Variants in GPR174 observed in about 807,000 individuals in gnomAD.
GPR174 encodes the protein probable G protein-coupled receptor 174.
GPR174 carries 8 observed loss-of-function variants against 16.5 expected under a neutral mutation model. That is an observed-to-expected ratio of 0.48 (90% CI 0.28 to 0.87). The LOEUF (loss-of-function observed/expected upper bound fraction) is 0.87. Among genes scored for constraint, GPR174 ranks in the 40% least tolerant of loss-of-function variants. GPR174 has a pLI of 0.09. For missense variants in GPR174, 214 were observed against 247.5 expected (o/e 0.86, Z 0.91); for synonymous variants, 111 against 94.8 (o/e 1.17, Z -0.99).
intron 1 of GPR174, 77 bp downstream of exon 1, chrX:79,145,294 C>T (rs942318728): frequency 9.0e-6 from 1 of 110,911 alleles, no homozygotes; most frequent in African/African-American, 3.3e-5. Context: ...GGACTCTTCA[C>T]ACAAGGAACT....
chrX:79,163,243 C>T (rs1367740211), intron 2 of GPR174, among the ~76,000 whole-genome samples: 2 of 111,682 alleles, frequency 1.8e-5, no homozygotes, highest in East Asian at 2.8e-4. Flanking sequence ...TTCTATTTAA[C>T]GTATTAAAAA....
chrX:79,152,345 T>C (rs1926618253), intron 1 of GPR174, among the ~76,000 whole-genome samples: 4 of 111,743 alleles, frequency 3.6e-5, no homozygotes, highest in African/African-American at 6.5e-5. Context: ...GCTTTTTCCT[T>C]AGGATCAAGG....
intron 2 of GPR174, among the ~76,000 whole-genome samples, chrX:79,162,172 G>T (rs1194745604): frequency 9.0e-6 from 1 of 111,460 alleles, no homozygotes. Context: ...GGTTTATTTT[G>T]CTTGTTATTA....
chrX:79,154,154 C>T (rs1921041118), intron 1 of GPR174, among the ~76,000 whole-genome samples: 1 of 110,783 alleles, frequency 9.0e-6, no homozygotes, highest in African/African-American at 3.3e-5. Context: ...CATACATAGG[C>T]TGTTGAAAAG....
At position 79,149,154 on chromosome X, in the gene GPR174, A is replaced by C. The variant is rs185752651; in HGVS notation, c.-654+3937A>C. On this transcript the variant is annotated intron_variant, in intron 1 of 2. Coordinates refer to ENST00000645147, the MANE Select transcript of GPR174 (RefSeq NM_032553.3). The stretch of plus-strand genomic sequence containing the variant: ...ACATTTTATTTTAATCTATAGTTTC[A>C]TGGCCCCTATTAATTTTCATACTGA... Among the ~76,000 whole-genome samples the C allele has an allele frequency of 5.6e-3, 628 of 111,657 alleles. 4 individuals are homozygous for C. The highest frequency in any genetic ancestry group is 9.6e-3 in the Non-Finnish European group (510 of 52,969).
At chrX:79,163,316 G>A (rs2147455563) in intron 2 of GPR174, among the ~76,000 whole-genome samples, 1 of 112,177 alleles carries the variant, frequency 8.9e-6, no homozygotes, top group South Asian at 3.7e-4. Context: ...TTTGCCTTCT[G>A]AAATACTGCT....
chrX:79,159,515 T>C (rs1921183056), intron 2 of GPR174, among the ~76,000 whole-genome samples: 1 of 111,833 alleles, frequency 8.9e-6, no homozygotes, highest in Non-Finnish European at 1.9e-5. Flanking sequence ...TTATAAATAT[T>C]AACTCATTAA....
At chrX:79,156,633 C>T (rs1921105783) in intron 1 of GPR174, among the ~76,000 whole-genome samples, 189 bp from the exon 2 acceptor site, 1 of 111,733 alleles carries the variant, frequency 8.9e-6, no homozygotes, top group Non-Finnish European at 1.9e-5. Flanking sequence ...AAAGAGATGT[C>T]AGATGCTAAA....
intron 2 of GPR174, among the ~76,000 whole-genome samples, chrX:79,167,948 A>G (rs12396362): frequency 0.39 from 43,213 of 110,771 alleles, 6,658 homozygotes; most frequent in Non-Finnish European, 0.49. Flanking sequence ...GCCTCTCTTT[A>G]AAATTTATTT....
chrX:79,151,655 T>C (rs1179492835), intron 1 of GPR174, among the ~76,000 whole-genome samples: 2 of 111,837 alleles, frequency 1.8e-5, no homozygotes, highest in South Asian at 3.7e-4. Flanking sequence ...TGTCCTTTTA[T>C]TGGATTTAGG....
At position 79,174,493 on chromosome X, in the gene GPR174, A is replaced by G. The variant is rs1317114447; in HGVS notation, c.*2484A>G. ...TGGTGACTTTCAATGGAGGGCTAAT[A>G]CATACTGAAGCAGACAGACTGGAGG... On this transcript the variant is annotated 3_prime_UTR_variant, in exon 3 of 3. Coordinates refer to ENST00000645147, the MANE Select transcript of GPR174 (RefSeq NM_032553.3). 2 of 109,222 alleles carry G rather than the reference A, an allele frequency of 1.8e-5. No individual in the cohort carries two copies. The highest frequency in any genetic ancestry group is 5.8e-4 in the East Asian group (2 of 3,467). 9.0% of individuals were successfully genotyped at this position (109,222 alleles called of 1,213,427 possible).
intron 1 of GPR174, among the ~76,000 whole-genome samples, chrX:79,147,187 C>T (rs1161100140): frequency 4.5e-5 from 5 of 110,911 alleles, no homozygotes; most frequent in African/African-American, 1.6e-4. Flanking sequence ...AAATGAGACT[C>T]GTAGAGGTGA....
At chrX:79,161,161 C>A (rs1346388789) in intron 2 of GPR174, among the ~76,000 whole-genome samples, 1 of 111,725 alleles carries the variant, frequency 9.0e-6, no homozygotes, top group Non-Finnish European at 1.9e-5. Context: ...ATTGGCTTTC[C>A]AAACTGTCAG....
At chrX:79,148,757 C>T (rs1370869745) in intron 1 of GPR174, among the ~76,000 whole-genome samples, 1 of 111,799 alleles carries the variant, frequency 8.9e-6, no homozygotes, top group Non-Finnish European at 1.9e-5. Context: ...ATCTCCCAAC[C>T]TTGGCCTCCC....
intron 2 of GPR174, among the ~76,000 whole-genome samples, chrX:79,164,474 G>A (rs759952932): frequency 2.7e-5 from 3 of 111,211 alleles, no homozygotes; most frequent in South Asian, 3.9e-4. Flanking sequence ...GTCACTAACC[G>A]GAAGGATATT....
intron 2 of GPR174, among the ~76,000 whole-genome samples, chrX:79,159,034 A>C (rs1170860719): frequency 1.8e-5 from 2 of 110,717 alleles, no homozygotes; most frequent in African/African-American, 6.6e-5. Flanking sequence ...TGTACCCAGA[A>C]AAATTTTAAA....
At chrX:79,157,704 C>A (rs1921131618) in intron 2 of GPR174, among the ~76,000 whole-genome samples, 1 of 111,280 alleles carries the variant, frequency 9.0e-6, no homozygotes, top group South Asian at 3.8e-4. Flanking sequence ...AGGTTAGGGG[C>A]AGATTTGGAA....
chrX:79,159,777 A>G (rs1921190430), intron 2 of GPR174, among the ~76,000 whole-genome samples: 2 of 112,171 alleles, frequency 1.8e-5, no homozygotes, highest in African/African-American at 6.5e-5. Context: ...TATGGCATGG[A>G]GAACCAAGGC....
At chrX:79,170,270 T>C (rs1921476005) in intron 2 of GPR174, among the ~76,000 whole-genome samples, 182 bp from the exon 3 acceptor site, 1 of 111,709 alleles carries the variant, frequency 9.0e-6, no homozygotes. Flanking sequence ...AGATTACTTC[T>C]CATGTTCTTT....
Sources: allele counts gnomAD v4.1 joint callset (sites outside exome capture counted in the v4.1 genomes callset), GRCh38; gene constraint gnomAD v4.1.1; transcripts MANE v1.5; gene names NCBI Gene and HGNC (gene_info 2026-07-23, HGNC 2026-07-21).